EDA: variants seen among roughly 807,000 people sequenced by gnomAD.
EDA encodes ectodysplasin-A.
EDA carries 2 observed loss-of-function variants against 23.6 expected under a neutral mutation model. The observed-to-expected ratio is 0.08, with a 90% CI of 0.03 to 0.27. The LOEUF (loss-of-function observed/expected upper bound fraction) is 0.27. Among genes scored for constraint, EDA ranks in the 10% least tolerant of loss-of-function variants. EDA has a pLI of 1.00. For synonymous variants in EDA, 131 were observed against 132.0 expected (o/e 0.99, Z 0.05); for missense variants, 229 against 324.2 (o/e 0.71, Z 2.26).
intron 1 of EDA, among the ~76,000 whole-genome samples, chrX:69,625,098 C>A (rs765362553): frequency 9.0e-6 from 1 of 110,969 alleles, no homozygotes; most frequent in South Asian, 3.8e-4. Context: ...ATGCACTGTA[C>A]AAAACAATGG....
At chrX:69,760,381 A>G (rs1602378180) in intron 1 of EDA, among the ~76,000 whole-genome samples, 2 of 111,273 alleles carry the variant, frequency 1.8e-5, no homozygotes, top group South Asian at 3.8e-4. Context: ...ACTTGTTTCC[A>G]TGTTAGCTTG....
chrX:69,823,879 G>A (rs1255083423), intron 1 of EDA, among the ~76,000 whole-genome samples: 1 of 86,830 alleles, frequency 1.2e-5, no homozygotes. Flanking sequence ...TTTGTATAAG[G>A]TGTAAGGAAG....
At chrX:69,779,496 A>C (rs989652795) in intron 1 of EDA, among the ~76,000 whole-genome samples, 1 of 111,343 alleles carries the variant, frequency 9.0e-6, no homozygotes, top group African/African-American at 3.3e-5. Flanking sequence ...GATAGAAAGC[A>C]GATCAGTGGT....
In EDA at chrX:69,888,979, T is replaced by TAG. The variant is rs1491437545; in HGVS notation, c.397-68047_397-68046insGA. On this transcript the variant is annotated intron_variant, in intron 1 of 7. Coordinates refer to ENST00000374552, the MANE Select transcript of EDA (RefSeq NM_001399.5). ...TGGAATTGTTGTATTGTGGGGTAGTTATATATATATATATATATATATATA... is the reference window on the plus strand; with the variant it reads ...TGGAATTGTTGTATTGTGGGGTAGTTAGATATATATATATATATATATATATA... 1.8e-3 allele frequency among the ~76,000 whole-genome samples: 20 copies of TAG among 11,252 alleles called. 1 individual carries two copies. Among genetic ancestry groups the TAG allele is most frequent in the South Asian group, 5.1e-3 (1 of 195 alleles). 9.8% of individuals were successfully genotyped at this position (11,252 alleles called of 115,157 possible). A position where few individuals can be genotyped will look rare whatever the true frequency, so the allele number is the denominator to read the frequency against.
intron 1 of EDA, among the ~76,000 whole-genome samples, chrX:69,684,434 CAATT>C (rs1488484469): frequency 2.7e-5 from 3 of 111,614 alleles, no homozygotes; most frequent in South Asian, 3.7e-4. Flanking sequence ...ATCAAAAAAA[CAATT>C]AAATTGTGAT....
At chrX:69,817,232 A>G (rs2016101906) in intron 1 of EDA, among the ~76,000 whole-genome samples, 1 of 111,833 alleles carries the variant, frequency 8.9e-6, no homozygotes, top group Non-Finnish European at 1.9e-5. Flanking sequence ...CAGAATATGG[A>G]AAGGAAAAAC....
At chrX:69,969,011 C>A (rs923836675) in intron 2 of EDA, among the ~76,000 whole-genome samples, 1 of 112,226 alleles carries the variant, frequency 8.9e-6, no homozygotes, top group African/African-American at 3.2e-5. Flanking sequence ...TACTCTGGTG[C>A]ATTAAGTCAC....
chrX:69,775,210 A>G (rs1008716086), intron 1 of EDA, among the ~76,000 whole-genome samples: 1 of 111,625 alleles, frequency 9.0e-6, no homozygotes, highest in Admixed American at 9.6e-5. Context: ...GTTTGGGCTC[A>G]CTGCCCCAAT....
intron 1 of EDA, among the ~76,000 whole-genome samples, chrX:69,877,313 A>T (rs1480181960): frequency 8.9e-6 from 1 of 111,779 alleles, no homozygotes; most frequent in Non-Finnish European, 1.9e-5. Flanking sequence ...AAAAAAAATG[A>T]CCATACCATT....
chrX:69,877,977 G>A (rs2017673324), intron 1 of EDA, among the ~76,000 whole-genome samples: 1 of 112,493 alleles, frequency 8.9e-6, no homozygotes, highest in South Asian at 3.6e-4. Flanking sequence ...CCATATATGT[G>A]TAGGTCTATT....
At chrX:69,958,468 C>G (rs1440931106) in intron 2 of EDA, among the ~76,000 whole-genome samples, 1 of 105,537 alleles carries the variant, frequency 9.5e-6, no homozygotes, top group Non-Finnish European at 1.9e-5. Context: ...AGAAGTATAA[C>G]TGGCTGAAAT....
chrX:69,708,209 A>G (rs1157439051), intron 1 of EDA, among the ~76,000 whole-genome samples: 4 of 112,263 alleles, frequency 3.6e-5, no homozygotes, highest in African/African-American at 1.3e-4. Context: ...GAACAGGTTA[A>G]CAGAACTCTT....
chrX:69,911,731 A>G (rs1023978308), intron 1 of EDA, among the ~76,000 whole-genome samples: 1 of 112,291 alleles, frequency 8.9e-6, no homozygotes, highest in African/African-American at 3.2e-5. Flanking sequence ...TATGTCCAAA[A>G]AAACAAACTA....
chrX:69,891,158 G>A (rs976505486), intron 1 of EDA, among the ~76,000 whole-genome samples: 27 of 112,140 alleles, frequency 2.4e-4, no homozygotes, highest in African/African-American at 8.1e-4. Context: ...GATCATTAGA[G>A]GAATACAAAT....
rs191432403 is a variant in EDA, at chrX:69,762,437, A to G, written c.396+145733A>G. Among the ~76,000 whole-genome samples, 204 of 111,822 alleles carry G rather than the reference A, an allele frequency of 1.8e-3. 1 individual carries two copies. Among genetic ancestry groups the G allele is most frequent in the African/African-American group, 6.5e-3 (199 of 30,838 alleles). ...CCTCTGCGAGGAAGGCTTTTCATAA[A>G]GATTTATTGACTATCCACGCGGCAT... On this transcript the variant is annotated intron_variant, in intron 1 of 7. Coordinates refer to ENST00000374552, the MANE Select transcript of EDA (RefSeq NM_001399.5).
intron 1 of EDA, among the ~76,000 whole-genome samples, chrX:69,791,610 T>C (rs1485102084): frequency 8.9e-6 from 1 of 112,346 alleles, no homozygotes; most frequent in African/African-American, 3.2e-5. Context: ...CAAATACTAA[T>C]TTTATAGAAA....
chrX:69,727,190 C>A, intron 1 of EDA, among the ~76,000 whole-genome samples: 1 of 111,883 alleles, frequency 8.9e-6, no homozygotes. Context: ...TTCAGATGCT[C>A]TTTCTCTTTT....
intron 2 of EDA, among the ~76,000 whole-genome samples, chrX:70,013,154 C>G (rs2019899594): frequency 8.9e-6 from 1 of 112,149 alleles, no homozygotes; most frequent in Non-Finnish European, 1.9e-5. Flanking sequence ...AGTGGTGGCT[C>G]TGCATTTCTC....
At chrX:69,720,921 A>AT (rs1342364780) in intron 1 of EDA, among the ~76,000 whole-genome samples, 3 of 110,951 alleles carry the variant, frequency 2.7e-5, no homozygotes, top group East Asian at 2.8e-4. Flanking sequence ...ATGATGGGTG[A>AT]TTTTTTTTAT....
Sources: gnomAD v4.1 joint callset for allele counts (sites outside exome capture counted in the v4.1 genomes callset) on GRCh38, gnomAD v4.1.1 for gene constraint, MANE v1.5 for transcripts, NCBI Gene and HGNC (gene_info 2026-07-23, HGNC 2026-07-21) for gene names.